The following RABGEF1 variants were observed in gnomAD, a reference collection of about 807,000 sequenced individuals.
The protein encoded by RABGEF1 is RAB guanine nucleotide exchange factor 1.
A neutral mutation model predicts 57.3 loss-of-function variants in RABGEF1; 26 were observed. The ratio of observed to expected loss-of-function variants is 0.45; its 90% CI spans 0.33 to 0.63. The LOEUF (loss-of-function observed/expected upper bound fraction) is 0.63, where lower values mean the gene tolerates loss of function less well. RABGEF1 is among the 20% of genes least tolerant of loss of function. The pLI is 0.02. For synonymous variants in RABGEF1, 185 were observed against 210.7 expected (o/e 0.88, Z 1.06); for missense variants, 464 against 607.6 (o/e 0.76, Z 2.48).
At chr7:66,666,951 G>T in the RABGEF1 span, among the ~76,000 whole-genome samples, 1 of 152,216 alleles carries the variant, frequency 6.6e-6, no homozygotes, top group African/African-American at 2.4e-5. Context: ...GCAAGGCACT[G>T]CAGGTGCCCC....
At chr7:66,792,690 A>G (rs1448959497) in intron 4 of RABGEF1, among the ~76,000 whole-genome samples, 1 of 152,230 alleles carries the variant, frequency 6.6e-6, no homozygotes, top group African/African-American at 2.4e-5. Flanking sequence ...CTTTGCTCAC[A>G]GATAGGTAGA....
chr7:66,734,724 T>TGC (rs1403233955), intron 2 of RABGEF1, among the ~76,000 whole-genome samples: 1 of 151,786 alleles, frequency 6.6e-6, no homozygotes, highest in Admixed American at 6.6e-5. Flanking sequence ...TGAGCCACCG[T>TGC]GCCTGGCCCC....
intron 1 of RABGEF1, among the ~76,000 whole-genome samples, chr7:66,763,435 A>G (rs1583860841): frequency 6.6e-6 from 1 of 152,296 alleles, no homozygotes; most frequent in Non-Finnish European, 1.5e-5. Flanking sequence ...CTTGGCTATT[A>G]GTCTCCTCCA....
chr7:66,724,366 A>AT (rs36097777), intron 2 of RABGEF1, among the ~76,000 whole-genome samples: 5,569 of 145,410 alleles, frequency 0.038, 161 homozygotes, highest in East Asian at 0.087. Flanking sequence ...TATTTATTTT[A>AT]TTTTTTTTTT....
At chr7:66,755,530 C>T (rs1562792743) in intron 1 of RABGEF1, among the ~76,000 whole-genome samples, 1 of 152,048 alleles carries the variant, frequency 6.6e-6, no homozygotes, top group Non-Finnish European at 1.5e-5. Flanking sequence ...TAACAGAGAC[C>T]ACCTAATATG....
intron 1 of RABGEF1, among the ~76,000 whole-genome samples, chr7:66,708,022 G>A (rs929379608): frequency 2.0e-5 from 3 of 151,958 alleles, no homozygotes; most frequent in Non-Finnish European, 4.4e-5. Context: ...CTGCCAATCT[G>A]TGCCTTTTAG....
At chr7:66,706,092 C>T (rs1230478501) in intron 1 of RABGEF1, among the ~76,000 whole-genome samples, 6 of 150,102 alleles carry the variant, frequency 4.0e-5, no homozygotes, top group Non-Finnish European at 8.9e-5. Context: ...TTAGTAGAGA[C>T]GGGGTTTCAC....
intron 1 of RABGEF1, among the ~76,000 whole-genome samples, chr7:66,764,252 C>G (rs552880514): frequency 1.3e-5 from 2 of 152,268 alleles, no homozygotes; most frequent in East Asian, 3.9e-4. Context: ...CATATACTCA[C>G]GACTGTTTGC....
In RABGEF1 at chr7:66,765,719, C is replaced by T. The variant is rs553095085; in HGVS notation, c.-17-6164C>T. ...GCTCCATCATTCAAGAGAACAGCCC[C>T]GACTTAGTCCCATTTCCAAAACTCG... On this transcript the variant is annotated intron_variant, in intron 1 of 8. Coordinates refer to ENST00000284957, the MANE Select transcript of RABGEF1 (RefSeq NM_014504.3). Among the ~76,000 whole-genome samples the T allele has an allele frequency of 6.6e-5, 10 of 152,266 alleles. No homozygotes were observed. In the South Asian group the frequency reaches 1.0e-3, roughly 16 times the overall value.
chr7:66,661,106 G>A, the RABGEF1 span, among the ~76,000 whole-genome samples: 4 of 152,020 alleles, frequency 2.6e-5, no homozygotes, highest in East Asian at 5.8e-4. Flanking sequence ...TCAGGAGATC[G>A]AGACCACAGT....
At chr7:66,661,456 A>T in the RABGEF1 span, among the ~76,000 whole-genome samples, 2 of 151,710 alleles carry the variant, frequency 1.3e-5, no homozygotes, top group East Asian at 3.9e-4. Context: ...TGAATCACAA[A>T]TAAAGAAAAA....
At chr7:66,742,097 G>A (rs1799115722) in intron 1 of RABGEF1, among the ~76,000 whole-genome samples, 1 of 151,968 alleles carries the variant, frequency 6.6e-6, no homozygotes, top group African/African-American at 2.4e-5. Context: ...GTTGCAGTGA[G>A]CCGAAATCGT....
intron 2 of RABGEF1, among the ~76,000 whole-genome samples, chr7:66,726,357 GA>G (rs1218492838): frequency 6.6e-6 from 1 of 150,684 alleles, no homozygotes; most frequent in Non-Finnish European, 1.5e-5. Flanking sequence ...CAGAGATTAG[GA>G]GGGATTTAAG....
chr7:66,696,689 CAAAA>C (rs71049476), intron 1 of RABGEF1, among the ~76,000 whole-genome samples: 3 of 66,326 alleles, frequency 4.5e-5, no homozygotes, highest in African/African-American at 6.6e-5. Context: ...GACTCCGTCT[CAAAA>C]AAAAAAAAAA....
At chr7:66,727,035 T>G (rs1424310811) in intron 2 of RABGEF1, among the ~76,000 whole-genome samples, 3 of 152,180 alleles carry the variant, frequency 2.0e-5, no homozygotes, top group Non-Finnish European at 4.4e-5. Flanking sequence ...TAATATGGAC[T>G]GTGGAAATGA....
chr7:66,798,703 C>A (rs1786608264), intron 6 of RABGEF1, among the ~76,000 whole-genome samples: 3 of 152,152 alleles, frequency 2.0e-5, no homozygotes, highest in Admixed American at 1.3e-4. Flanking sequence ...GTGGCTCGCA[C>A]CTGTAATCCC....
chr7:66,690,994 G>A (rs755528469), intron 1 of RABGEF1, among the ~76,000 whole-genome samples: 81 of 152,208 alleles, frequency 5.3e-4, no homozygotes, highest in Middle Eastern at 3.4e-3. Flanking sequence ...CGGAGGCTGG[G>A]GCATGAGAAT....
chr7:66,807,315 G>A (rs762183065), intron 8 of RABGEF1, among the ~76,000 whole-genome samples: 1 of 152,160 alleles, frequency 6.6e-6, no homozygotes, highest in African/African-American at 2.4e-5. Context: ...CGAACCCCAC[G>A]GGCACTCACA....
chr7:66,706,821 G>A (rs563110331), intron 1 of RABGEF1, among the ~76,000 whole-genome samples: 8 of 118,780 alleles, frequency 6.7e-5, no homozygotes, highest in Admixed American at 1.0e-4. Context: ...TTGCTCTGTC[G>A]CCCAGGCTGG....
Sources: gnomAD v4.1 joint callset for allele counts (sites outside exome capture counted in the v4.1 genomes callset) on GRCh38, gnomAD v4.1.1 for gene constraint, MANE v1.5 for transcripts, NCBI Gene and HGNC (gene_info 2026-07-23, HGNC 2026-07-21) for gene names.